Variants in FAM107B observed in about 807,000 individuals in gnomAD.
FAM107B encodes protein FAM107B.
In FAM107B, 21 loss-of-function variants were observed where a neutral mutation model predicts 31.5. The observed-to-expected ratio is 0.67, with a 90% confidence interval of 0.47 to 0.96. The LOEUF (loss-of-function observed/expected upper bound fraction) is 0.96, where lower values mean the gene tolerates loss of function less well. Ranked by LOEUF, FAM107B falls within the 40% of genes least tolerant of loss-of-function variation. FAM107B has a pLI of 0.00. For synonymous variants in FAM107B, 157 were observed against 141.5 expected (o/e 1.11, Z -0.78); for missense variants, 452 against 377.1 (o/e 1.20, Z -1.64).
intron 1 of FAM107B, among the ~76,000 whole-genome samples, chr10:14,735,569 T>C (rs2131565077): frequency 6.6e-6 from 1 of 152,254 alleles, no homozygotes; most frequent in South Asian, 2.1e-4. Context: ...AGCAAGAACA[T>C]TTAGGACAAA....
chr10:14,666,705 G>C (rs1854412445), intron 2 of FAM107B, among the ~76,000 whole-genome samples: 1 of 152,188 alleles, frequency 6.6e-6, no homozygotes, highest in Admixed American at 6.5e-5. Flanking sequence ...GTCTCAGGAA[G>C]AGGCACTAAA....
intron 1 of FAM107B, among the ~76,000 whole-genome samples, chr10:14,714,921 A>G (rs1488397897): frequency 2.0e-5 from 3 of 152,144 alleles, no homozygotes; most frequent in African/African-American, 7.2e-5. Context: ...AAGGCAGGAG[A>G]CTAGAGGACT....
chr10:14,593,616 C>T (rs548416188), intron 2 of FAM107B, among the ~76,000 whole-genome samples: 130 of 151,952 alleles, frequency 8.6e-4, no homozygotes, highest in African/African-American at 2.8e-3. Flanking sequence ...ATCGCTTGAA[C>T]CTGGGAAGTG....
intron 2 of FAM107B, among the ~76,000 whole-genome samples, chr10:14,635,407 T>G (rs957370947): frequency 1.4e-4 from 21 of 152,168 alleles, no homozygotes; most frequent in Admixed American, 5.2e-4. Context: ...TTTTAGCTAT[T>G]GTTCACTACT....
chr10:14,707,493 C>G (rs1855549352), intron 1 of FAM107B, among the ~76,000 whole-genome samples: 1 of 152,194 alleles, frequency 6.6e-6, no homozygotes, highest in Non-Finnish European at 1.5e-5. Context: ...GATCACCCAG[C>G]AGGATGCCCC....
At chr10:14,654,492 T>C (rs1484749170) in intron 2 of FAM107B, among the ~76,000 whole-genome samples, 1 of 152,210 alleles carries the variant, frequency 6.6e-6, no homozygotes, top group Non-Finnish European at 1.5e-5. Context: ...TCTCTTGCTC[T>C]CATCATCTCT....
At chr10:14,680,646 T>C (rs1318822798) in intron 1 of FAM107B, among the ~76,000 whole-genome samples, 4 of 151,788 alleles carry the variant, frequency 2.6e-5, no homozygotes, top group African/African-American at 9.7e-5. Flanking sequence ...ATTCCTCATC[T>C]GTGATTGTTC....
chr10:14,623,828 T>C (rs867906728), intron 2 of FAM107B, among the ~76,000 whole-genome samples: 16 of 152,236 alleles, frequency 1.1e-4, no homozygotes, highest in African/African-American at 3.4e-4. Flanking sequence ...CTGTCTTAAA[T>C]AGATAAGTAA....
chr10:14,567,207 T>C (rs894951590), intron 2 of FAM107B, among the ~76,000 whole-genome samples: 1 of 151,980 alleles, frequency 6.6e-6, no homozygotes, highest in East Asian at 1.9e-4. Context: ...GAGAGAATGG[T>C]GGTGCAGAAA....
chr10:14,655,413 C>G (rs1006425628), intron 2 of FAM107B, among the ~76,000 whole-genome samples: 2 of 152,190 alleles, frequency 1.3e-5, no homozygotes, highest in Non-Finnish European at 2.9e-5. Flanking sequence ...CTCAGCCTCA[C>G]AAATATTTTG....
chr10:14,741,364 C>A (rs1422394969), intron 1 of FAM107B, among the ~76,000 whole-genome samples: 23 of 152,176 alleles, frequency 1.5e-4, no homozygotes. Context: ...TTGTTTGCCC[C>A]ACCTGAGAGC....
chr10:14,676,687 G>T (rs575065633), intron 1 of FAM107B, among the ~76,000 whole-genome samples: 9 of 152,288 alleles, frequency 5.9e-5, no homozygotes, highest in Admixed American at 2.6e-4. Context: ...TGACTTGAGT[G>T]CTTGCAGTAT....
chr10:14,674,189 G>C (rs751715159), intron 1 of FAM107B, among the ~76,000 whole-genome samples: 1 of 152,146 alleles, frequency 6.6e-6, no homozygotes, highest in African/African-American at 2.4e-5. Context: ...CATTGGTCTA[G>C]GCAAAGGTTT....
At position 14,520,879 on chromosome 10, in the gene FAM107B, G is replaced by T. The variant is rs1204489298; in HGVS notation, c.*311C>A. On this transcript the variant is annotated 3_prime_UTR_variant, in exon 5 of 5. Coordinates refer to ENST00000181796, the MANE Select transcript of FAM107B (RefSeq NM_031453.4). ...AAAAACCAAGTAGTGCAACTCTCAAGAATTGATTCCAGTGTCCTCTTCCTT... is the reference window on the plus strand; with the variant it reads ...AAAAACCAAGTAGTGCAACTCTCAATAATTGATTCCAGTGTCCTCTTCCTT... 3.7e-6 allele frequency: 1 copy of T among 272,678 alleles called. No homozygotes were observed. The highest frequency in any genetic ancestry group is 6.8e-6 in the Non-Finnish European group (1 of 147,986). 16.9% of individuals were successfully genotyped at this position (272,678 alleles called of 1,614,324 possible).
rs1259398449 is a variant in FAM107B at position 14,767,020 on chromosome 10, GTATGTATATA to G, written c.411+7223_411+7232del. On this transcript the variant is annotated intron_variant, in intron 1 of 4. Coordinates refer to ENST00000181796, the MANE Select transcript of FAM107B (RefSeq NM_031453.4). ...AACTGCAGAACAATATCCCTGATGT[GTATGTATATA>G]TATATATATATATATATATATATAT... 1.4e-3 allele frequency among the ~76,000 whole-genome samples: 44 copies of G among 30,402 alleles called. 1 individual carries two copies. The highest frequency in any genetic ancestry group is 3.4e-3 in the African/African-American group (40 of 11,732). The allele number at this position is 30,402 out of a possible 152,430, so 19.9% of individuals were successfully genotyped here. A position where few individuals can be genotyped will look rare whatever the true frequency, so the allele number is the denominator to read the frequency against.
chr10:14,685,071 GC>G (rs1281165260), intron 1 of FAM107B, among the ~76,000 whole-genome samples: 2 of 151,694 alleles, frequency 1.3e-5, no homozygotes, highest in East Asian at 3.9e-4. Flanking sequence ...TAGCTCCTGG[GC>G]TCAAGTGAAT....
intron 2 of FAM107B, among the ~76,000 whole-genome samples, chr10:14,639,388 G>A (rs1853578079): frequency 6.6e-6 from 1 of 152,018 alleles, no homozygotes; most frequent in Admixed American, 6.6e-5. Flanking sequence ...AGTCCTTTCT[G>A]TACAGCAAGT....
intron 2 of FAM107B, among the ~76,000 whole-genome samples, chr10:14,629,442 TATA>T (rs1853283012): frequency 7.3e-4 from 4 of 5,466 alleles, no homozygotes; most frequent in African/African-American, 2.7e-3. Flanking sequence ...ATATTATATA[TATA>T]TTATATATAT....
intron 2 of FAM107B, among the ~76,000 whole-genome samples, chr10:14,617,941 T>C (rs1293745612): frequency 6.6e-6 from 1 of 152,176 alleles, no homozygotes; most frequent in African/African-American, 2.4e-5. Flanking sequence ...GAAATTTATA[T>C]ACAGTAAGAT....
Sources: allele counts gnomAD v4.1 joint callset (sites outside exome capture counted in the v4.1 genomes callset), GRCh38; gene constraint gnomAD v4.1.1; transcripts MANE v1.5; gene names NCBI Gene and HGNC (gene_info 2026-07-23, HGNC 2026-07-21).